The following ABCA13 variants were observed in gnomAD, a reference collection of about 807,000 sequenced individuals.
ABCA13 encodes ATP binding cassette subfamily A member 13, also known as ATP-binding cassette sub-family A member 13.
Under a neutral mutation model 478.7 loss-of-function variants are expected in ABCA13, and 476 were observed. The observed-to-expected ratio is 0.99, with a 90% CI of 0.92 to 1.07. The LOEUF (loss-of-function observed/expected upper bound fraction) is 1.07, where lower values mean the gene tolerates loss of function less well. ABCA13 is among the 50% of genes least tolerant of loss of function. The probability of loss-of-function intolerance (pLI) is 0.00; values close to 1 mark genes in which losing one functional copy is unlikely to be tolerated. For synonymous variants in ABCA13, 2,252 were observed against 2,158.9 expected, an observed-to-expected ratio of 1.04 and a Z score of -1.20; for missense variants, 6,060 against 5,910.6, an observed-to-expected ratio of 1.03 and a Z score of -0.83.
chr7:48,338,388 A>G lies in ABCA13; in HGVS notation c.10137A>G (p.Val3379=). ...AGGAGGCCCTGAGAAACAAATTTGT[A>G]AGAAACTTTGTAGAAAACCAGTTGC... ...QLQEALRNKF[V]RNFVENQLHI... Residue 3379 remains valine, a synonymous_variant, in exon 29 of 62, where the codon GTA becomes GTG. Transcript: ENST00000435803. 2 of 1,600,262 alleles carry G rather than the reference A, an allele frequency of 1.2e-6. No individual in the cohort carries two copies. Among genetic ancestry groups the G allele is most frequent in the Non-Finnish European group, 1.7e-6 (2 of 1,173,164 alleles).
intron 13 of ABCA13, among the ~76,000 whole-genome samples, chr7:48,246,604 T>A (rs944792508): frequency 2.0e-5 from 3 of 152,194 alleles, no homozygotes; most frequent in African/African-American, 4.8e-5. Context: ...TATTACCTTT[T>A]TTTTTTATAT....
chr7:48,387,970 A>G lies in ABCA13; in HGVS notation c.11473+11A>G. 1 of 1,592,624 alleles carries G rather than the reference A, an allele frequency of 6.3e-7. No individual in the cohort carries two copies. The highest frequency in any genetic ancestry group is 1.9e-5 in the Admixed American group (1 of 53,892). On this transcript the variant is annotated intron_variant, in intron 36 of 61. Coordinates refer to ENST00000435803, the MANE Select transcript of ABCA13 (RefSeq NM_152701.5). ...ACTTTGACAATAAAGGTTTGTAAGG[A>G]GTAGAATTATTAGATGCATGTATTT...
intron 55 of ABCA13, among the ~76,000 whole-genome samples, chr7:48,544,537 A>G (rs1450354923): frequency 6.8e-6 from 1 of 146,436 alleles, no homozygotes; most frequent in Non-Finnish European, 1.5e-5. Context: ...AAATCCCCCA[A>G]AACTGTGTTC....
At chr7:48,216,919 T>C (rs1786565468) in intron 3 of ABCA13, among the ~76,000 whole-genome samples, 1 of 152,226 alleles carries the variant, frequency 6.6e-6, no homozygotes, top group African/African-American at 2.4e-5. Context: ...CCATTTATTT[T>C]AAGCTTTCTG....
At position 48,288,025 on chromosome 7, in the gene ABCA13, C is replaced by T. The variant is rs1254066641; in HGVS notation, c.8902C>T (p.His2968Tyr). 1 of 1,613,862 alleles carries T rather than the reference C, an allele frequency of 6.2e-7. No individual in the cohort carries two copies. The highest frequency in any genetic ancestry group is 8.5e-7 in the Non-Finnish European group (1 of 1,179,898). ...TLSCKQNGIRHLILSAIQGVT... is the reference protein window; with the variant it reads ...TLSCKQNGIRYLILSAIQGVT... ...GAGTTGCAAGCAAAATGGGATAAGG[C>T]ATCTCATTTTATCTGCTATACAAGG... is the stretch of plus-strand genomic sequence containing the variant. Residue 2968 changes from histidine to tyrosine, a missense_variant, in exon 20 of 62, where the codon CAT becomes TAT. Around this residue, in one of 3 missense-constraint regions of ABCA13, gnomAD observed 4,423 missense variants for 4,309.1 expected, o/e 1.03. Transcript: ENST00000435803.
chr7:48,366,142 A>G (rs1811632072), intron 31 of ABCA13, among the ~76,000 whole-genome samples: 1 of 152,136 alleles, frequency 6.6e-6, no homozygotes, highest in Admixed American at 6.5e-5. Context: ...CATTTTATTT[A>G]TTTCTGCTCT....
chr7:48,228,741 G>A (rs76207800), intron 6 of ABCA13, among the ~76,000 whole-genome samples: 6 of 152,172 alleles, frequency 3.9e-5, no homozygotes, highest in Non-Finnish European at 8.8e-5. Context: ...AAAATGGAAC[G>A]TATTTTGATA....
intron 58 of ABCA13, among the ~76,000 whole-genome samples, chr7:48,604,796 C>G (rs1457237271): frequency 3.9e-5 from 6 of 152,156 alleles, no homozygotes; most frequent in Admixed American, 2.0e-4. Flanking sequence ...AATTTTCTGT[C>G]TCAGTGATCT....
intron 27 of ABCA13, among the ~76,000 whole-genome samples, chr7:48,328,111 G>C (rs1428048771): frequency 1.3e-5 from 2 of 152,174 alleles, no homozygotes; most frequent in Non-Finnish European, 2.9e-5. Context: ...ATTATTAAAG[G>C]TGAAAAATGC....
chr7:48,191,730 C>T (rs1298762198), intron 1 of ABCA13, among the ~76,000 whole-genome samples: 1 of 152,078 alleles, frequency 6.6e-6, no homozygotes, highest in African/African-American at 2.4e-5. Context: ...TTCTTTTCTT[C>T]TTTAATTATA....
chr7:48,232,480 CA>C (rs1789296141), intron 7 of ABCA13, among the ~76,000 whole-genome samples: 2 of 152,124 alleles, frequency 1.3e-5, no homozygotes, highest in Non-Finnish European at 2.9e-5. Flanking sequence ...AACACTATTA[CA>C]AAACATACTT....
intron 27 of ABCA13, among the ~76,000 whole-genome samples, chr7:48,334,812 C>T (rs965424492): frequency 1.3e-5 from 2 of 152,114 alleles, no homozygotes; most frequent in Non-Finnish European, 2.9e-5. Flanking sequence ...AGACTATTTT[C>T]AGTATTAAAT....
rs75620431 is a variant in ABCA13 at position 48,643,547 on chromosome 7, A to C, written c.14943+154A>C. ...TATAGGCCCTGCCTCCCTACCAAAA[A>C]TAGCATGGATAGCTGATATTGCTTG... On this transcript the variant is annotated intron_variant, in intron 60 of 61. Transcript: ENST00000435803. Among the ~76,000 whole-genome samples, 10 of 152,332 alleles carry C rather than the reference A, an allele frequency of 6.6e-5. No individual in the cohort carries two copies. The East Asian group carries it at 1.9e-3, about 29-fold the overall frequency.
intron 41 of ABCA13, among the ~76,000 whole-genome samples, chr7:48,422,097 G>C (rs1371155790): frequency 9.0e-6 from 1 of 111,246 alleles, no homozygotes; most frequent in Non-Finnish European, 1.8e-5. Context: ...AAAAAGGAAA[G>C]AAGGAAGAAA....
intron 48 of ABCA13, among the ~76,000 whole-genome samples, chr7:48,495,385 A>T (rs1020533471): frequency 9.2e-5 from 14 of 152,156 alleles, no homozygotes; most frequent in African/African-American, 3.4e-4. Context: ...GGTTTGGTTC[A>T]TCACGGTCAG....
chr7:48,209,710 G>A (rs1332640665), intron 3 of ABCA13, among the ~76,000 whole-genome samples: 1 of 152,122 alleles, frequency 6.6e-6, no homozygotes, highest in Non-Finnish European at 1.5e-5. Context: ...TTAATAAAAT[G>A]TCTATGCTTC....
intron 41 of ABCA13, among the ~76,000 whole-genome samples, chr7:48,419,398 T>G (rs899897424): frequency 4.6e-5 from 7 of 152,232 alleles, no homozygotes; most frequent in Non-Finnish European, 1.0e-4. Context: ...CTTAAAAAAT[T>G]TATATTTATG....
chr7:48,580,348 G>A lies in ABCA13; in HGVS notation c.14479G>A (p.Gly4827Arg), dbSNP rs560141424. The change falls in exon 56 of 62, where the codon GGG (glycine) becomes AGG (arginine). Residue 4827 changes from glycine (G) to arginine (R), a missense_variant. This residue lies in a region of ABCA13 where 1,627 missense variants were observed against 1,571.0 expected (regional missense o/e 1.04). Transcript: ENST00000435803. Reference sequence around the variant, plus strand: ...TCTCTATTATTACTGTAGCTTACGCGGGATTCCAAGGCAGTGCATCCCTGA... The same window carrying A: ...TCTCTATTATTACTGTAGCTTACGCAGGATTCCAAGGCAGTGCATCCCTGA... ...EHLYYYCSLR[G>R]IPRQCIPEVA... 8 of 1,612,612 alleles carry A rather than the reference G, an allele frequency of 5.0e-6. No individual in the cohort carries two copies. The highest frequency in any genetic ancestry group is 1.7e-5 in the Admixed American group (1 of 59,856).
chr7:48,520,448 T>A (rs552749943), intron 53 of ABCA13, among the ~76,000 whole-genome samples, 154 bp downstream of exon 53: 1 of 152,350 alleles, frequency 6.6e-6, no homozygotes, highest in Non-Finnish European at 1.5e-5. Context: ...TTTTAAACAT[T>A]GATTGGTGTC....
Sources: allele counts gnomAD v4.1 joint callset (sites outside exome capture counted in the v4.1 genomes callset), GRCh38; gene constraint gnomAD v4.1.1; regional missense constraint gnomAD v4.1.1; transcripts MANE v1.5; gene names NCBI Gene and HGNC (gene_info 2026-07-23, HGNC 2026-07-21).